The following CTNNA3 variants were observed in gnomAD, a reference collection of about 807,000 sequenced individuals.
The protein encoded by CTNNA3 is catenin alpha-3.
In CTNNA3, 76 loss-of-function variants were observed where a neutral mutation model predicts 95.7. That is an observed-to-expected ratio of 0.79 (90% CI 0.66 to 0.96). The LOEUF (loss-of-function observed/expected upper bound fraction) is 0.96, where lower values mean the gene tolerates loss of function less well. Among genes scored for constraint, CTNNA3 ranks in the 40% least tolerant of loss-of-function variants. The pLI is 0.00. For synonymous variants in CTNNA3, 431 were observed against 374.4 expected (o/e 1.15, Z -1.74); for missense variants, 1,191 against 1,089.8 (o/e 1.09, Z -1.31).
chr10:66,618,230 CA>C (rs1240032909), intron 10 of CTNNA3, among the ~76,000 whole-genome samples: 1 of 151,448 alleles, frequency 6.6e-6, no homozygotes, highest in Non-Finnish European at 1.5e-5. Flanking sequence ...CATATGGAAC[CA>C]AAAAAGAGCC....
rs1455146365 is a variant in CTNNA3 at position 66,566,945 on chromosome 10, G to T, written c.1375-46172C>A. Among the ~76,000 whole-genome samples the T allele has an allele frequency of 2.7e-5, 4 of 149,588 alleles. No individual in the cohort carries two copies. The South Asian group carries it at 8.7e-4, about 33-fold the overall frequency. The stretch of plus-strand genomic sequence containing the variant: ...GAGGTGGAGAGGTGGGAGGGAGTGG[G>T]CTAGGGTGAGGGCAAGAGCAGGGAG... On this transcript the variant is annotated intron_variant, in intron 10 of 17. Coordinates refer to ENST00000433211, the MANE Select transcript of CTNNA3 (RefSeq NM_013266.4).
intron 3 of CTNNA3, among the ~76,000 whole-genome samples, chr10:67,579,577 G>A (rs1317519838): frequency 4.6e-5 from 7 of 152,100 alleles, no homozygotes; most frequent in Non-Finnish European, 8.8e-5. Flanking sequence ...CCAGTAATGG[G>A]GTCACTGGGT....
chr10:67,562,694 A>T (rs576854622), intron 3 of CTNNA3, among the ~76,000 whole-genome samples: 2 of 152,300 alleles, frequency 1.3e-5, no homozygotes, highest in South Asian at 2.1e-4. Flanking sequence ...AGAGGAAGTC[A>T]AACTGTCCCT....
intron 9 of CTNNA3, among the ~76,000 whole-genome samples, chr10:66,750,461 C>T (rs1235401455): frequency 6.6e-6 from 1 of 152,186 alleles, no homozygotes; most frequent in East Asian, 1.9e-4. Context: ...AGCATCATTT[C>T]TGAAAAACTA....
intron 2 of CTNNA3, among the ~76,000 whole-genome samples, chr10:67,620,919 G>GTATATATATATATA (rs1488628629): frequency 3.0e-5 from 3 of 100,164 alleles, no homozygotes; most frequent in African/African-American, 4.5e-5. Flanking sequence ...GTGTGTGTGT[G>GTATATATATATATA]TGTGTATATA....
At chr10:66,589,977 G>T (rs1177033314) in intron 10 of CTNNA3, among the ~76,000 whole-genome samples, 1 of 151,826 alleles carries the variant, frequency 6.6e-6, no homozygotes, top group East Asian at 1.9e-4. Flanking sequence ...TGCTCTTAAG[G>T]AGTATAAAGA....
At chr10:67,633,696 A>G (rs566777978) in intron 2 of CTNNA3, among the ~76,000 whole-genome samples, 1 of 152,272 alleles carries the variant, frequency 6.6e-6, no homozygotes, top group South Asian at 2.1e-4. Flanking sequence ...CACAACACCA[A>G]CAAAAAAGAC....
chr10:66,293,111 T>C (rs888029387), intron 12 of CTNNA3, among the ~76,000 whole-genome samples: 1 of 152,186 alleles, frequency 6.6e-6, no homozygotes, highest in African/African-American at 2.4e-5. Flanking sequence ...TGTCTAAAAC[T>C]GCATAGCTAG....
intron 3 of CTNNA3, among the ~76,000 whole-genome samples, chr10:67,559,577 C>T (rs989269017): frequency 6.6e-6 from 1 of 152,116 alleles, no homozygotes; most frequent in Non-Finnish European, 1.5e-5. Flanking sequence ...CTAAAAAGCA[C>T]AGTGCCTCTC....
chr10:66,913,543 CAAAT>C (rs1423269670), intron 7 of CTNNA3, among the ~76,000 whole-genome samples: 1 of 151,986 alleles, frequency 6.6e-6, no homozygotes, highest in African/African-American at 2.4e-5. Context: ...CAAGCAATGA[CAAAT>C]GAATACAAAT....
At chr10:66,286,415 A>C (rs961057468) in intron 12 of CTNNA3, among the ~76,000 whole-genome samples, 1 of 152,036 alleles carries the variant, frequency 6.6e-6, no homozygotes, top group African/African-American at 2.4e-5. Context: ...TAGACTGTTA[A>C]ATCTTCCTCT....
chr10:66,282,577 C>A (rs12784693), intron 12 of CTNNA3, among the ~76,000 whole-genome samples: 36,774 of 151,438 alleles, frequency 0.24, 4,666 homozygotes, highest in South Asian at 0.3. Context: ...TATCCCAAAT[C>A]CATTGAGAAT....
chr10:67,491,875 T>G (rs951214932), intron 5 of CTNNA3, among the ~76,000 whole-genome samples: 1 of 152,012 alleles, frequency 6.6e-6, no homozygotes, highest in Non-Finnish European at 1.5e-5. Flanking sequence ...AGTATAGGAA[T>G]GGAGGAAAGA....
intron 13 of CTNNA3, among the ~76,000 whole-genome samples, chr10:66,223,235 T>C (rs1457724686): frequency 6.6e-6 from 1 of 152,044 alleles, no homozygotes; most frequent in Non-Finnish European, 1.5e-5. Context: ...AAACTCTACA[T>C]GTCTAAAGAA....
At chr10:66,866,459 C>T (rs1039629780) in intron 7 of CTNNA3, among the ~76,000 whole-genome samples, 1 of 152,134 alleles carries the variant, frequency 6.6e-6, no homozygotes, top group African/African-American at 2.4e-5. Context: ...CTTTTGTGAC[C>T]ATTTTACAAA....
intron 5 of CTNNA3, among the ~76,000 whole-genome samples, chr10:67,329,957 A>G (rs369858644): frequency 1.3e-5 from 2 of 152,212 alleles, no homozygotes; most frequent in East Asian, 3.8e-4. Context: ...CTCATAGTCC[A>G]AGATGCCAGC....
At chr10:67,300,177 C>T (rs1182874695) in intron 5 of CTNNA3, among the ~76,000 whole-genome samples, 2 of 152,102 alleles carry the variant, frequency 1.3e-5, no homozygotes, top group East Asian at 3.9e-4. Context: ...AAAAACCGCT[C>T]CCCCCACAAA....
chr10:66,051,197 A>G (rs2079950447), intron 15 of CTNNA3, among the ~76,000 whole-genome samples: 2 of 152,114 alleles, frequency 1.3e-5, no homozygotes, highest in African/African-American at 4.8e-5. Flanking sequence ...TATTACATTT[A>G]TTATTCCTCT....
chr10:66,730,454 C>T (rs1049667224), intron 9 of CTNNA3, among the ~76,000 whole-genome samples: 1 of 152,246 alleles, frequency 6.6e-6, no homozygotes, highest in South Asian at 2.1e-4. Flanking sequence ...AGCCTGTCGG[C>T]ATGGGGTGGG....
Sources: allele counts gnomAD v4.1 joint callset (sites outside exome capture counted in the v4.1 genomes callset), GRCh38; gene constraint gnomAD v4.1.1; transcripts MANE v1.5; gene names NCBI Gene and HGNC (gene_info 2026-07-23, HGNC 2026-07-21).